The following KLRD1 variants were observed in gnomAD, a reference collection of about 807,000 sequenced individuals.
The protein encoded by KLRD1 is natural killer cells antigen CD94.
Under a neutral mutation model 22.6 loss-of-function variants are expected in KLRD1, and 21 were observed. That is an observed-to-expected ratio of 0.93 (90% CI 0.66 to 1.34). KLRD1 has a LOEUF of 1.34. Among genes scored for constraint, KLRD1 ranks in the 40% most tolerant of loss-of-function variants. The pLI is 0.00. For synonymous variants in KLRD1, 59 were observed against 71.1 expected (o/e 0.83, Z 0.85); for missense variants, 183 against 208.6 (o/e 0.88, Z 0.76).
intron 1 of KLRD1, among the ~76,000 whole-genome samples, chr12:10,290,702 ATTTATC>A (rs1005906866): frequency 2.6e-5 from 4 of 152,224 alleles, no homozygotes; most frequent in East Asian, 1.9e-4. Flanking sequence ...AAGTTTCAGT[ATTTATC>A]TTTAATAACC....
chr12:10,259,982 C>CA (rs199663048), intron 1 of KLRD1, among the ~76,000 whole-genome samples: 1,892 of 151,166 alleles, frequency 0.013, 30 homozygotes, highest in African/African-American at 0.042. Flanking sequence ...ACAAACAAAA[C>CA]AAAAAAAAGA....
chr12:10,313,473 G>C lies in KLRD1; in HGVS notation c.379G>C (p.Ala127Pro). Residue 127 changes from alanine to proline, a missense_variant, in exon 5 of 6, where the codon GCC becomes CCC. Ala to Pro is a conservative substitution (Grantham distance 27). Transcript: ENST00000336164. ...IGLSYSEEHT[A>P]WLWENGSALS... ...ACTCTCTTACAGTGAGGAGCACACC[G>C]CCTGGTTGTGGGAGAATGGCTCTGC... The C allele has an allele frequency of 6.2e-7, 1 of 1,607,534 alleles. No individual in the cohort carries two copies. The highest frequency in any genetic ancestry group is 1.3e-5 in the African/African-American group (1 of 74,672).
rs754765723 is a variant in KLRD1, at chr12:10,322,314, T to C, written c.*7521T>C. 2.0e-5 allele frequency: 3 copies of C among 152,316 alleles called. No individual in the cohort carries two copies. The highest frequency in any genetic ancestry group is 4.4e-5 in the Non-Finnish European group (3 of 68,096). The allele number at this position is 152,316 out of a possible 1,614,324, so 9.4% of individuals were successfully genotyped here. Reference sequence around the variant, plus strand: ...CACCTGCCTCGGCCTCCTGAAGTGCTGGGATTACAGGCATGAGCCATTGTG... The same window carrying C: ...CACCTGCCTCGGCCTCCTGAAGTGCCGGGATTACAGGCATGAGCCATTGTG... On this transcript the variant is annotated 3_prime_UTR_variant, in exon 6 of 6. Transcript: ENST00000336164.
chr12:10,289,781 AT>A (rs1949748282), intron 1 of KLRD1, among the ~76,000 whole-genome samples: 2 of 151,986 alleles, frequency 1.3e-5, no homozygotes, highest in South Asian at 2.1e-4. Context: ...TGAATTTGTA[AT>A]TTTTTTTGTG....
intron 1 of KLRD1, among the ~76,000 whole-genome samples, chr12:10,295,677 G>A (rs1949815181): frequency 6.6e-6 from 1 of 152,034 alleles, no homozygotes; most frequent in South Asian, 2.1e-4. Context: ...TAACATTCAA[G>A]AGTTCAGAAA....
At chr12:10,307,745 TC>T, upstream of KLRD1, 1 of 226,586 alleles carries the variant, frequency 4.4e-6, no homozygotes, top group Non-Finnish European at 8.5e-6. Context: ...GCAACAAAAC[TC>T]CCTCTGACCT....
intron 1 of KLRD1, among the ~76,000 whole-genome samples, chr12:10,275,773 T>G: frequency 6.6e-6 from 1 of 152,320 alleles, no homozygotes; most frequent in Non-Finnish European, 1.5e-5. Context: ...AATTACCAAT[T>G]AGATAAATCA....
chr12:10,314,883 C>T lies in KLRD1; in HGVS notation c.*90C>T. ...ATGTTATATTATTACTAATTGTCTA[C>T]TTCTGGAGTCTATAAAATGTTTTTA... On this transcript the variant is annotated 3_prime_UTR_variant, in exon 6 of 6. Transcript: ENST00000336164. 8.4e-7 allele frequency: 1 copy of T among 1,194,172 alleles called. No individual in the cohort carries two copies. The highest frequency in any genetic ancestry group is 1.5e-5 in the South Asian group (1 of 68,048). The allele number at this position is 1,194,172 out of a possible 1,614,324, so 74.0% of individuals were successfully genotyped here.
At chr12:10,240,313 T>G (rs7972414) in intron 1 of KLRD1, among the ~76,000 whole-genome samples, 95,022 of 151,786 alleles carry the variant, frequency 0.63, 30,525 homozygotes, top group Admixed American at 0.76. Flanking sequence ...TGCCCGCTTC[T>G]GCCTCCCAAA....
rs1326710082 is a variant in KLRD1 at position 10,325,752 on chromosome 12, T to C, written c.*10959T>C. 1 of 152,232 alleles carries C rather than the reference T, an allele frequency of 6.6e-6. No individual in the cohort carries two copies. The highest frequency in any genetic ancestry group is 1.9e-4 in the East Asian group (1 of 5,206). The allele number at this position is 152,232 out of a possible 1,614,324, so 9.4% of individuals were successfully genotyped here. A position where few individuals can be genotyped will look rare whatever the true frequency, so the allele number is the denominator to read the frequency against. On this transcript the variant is annotated 3_prime_UTR_variant, in exon 6 of 6. Coordinates refer to ENST00000336164, the MANE Select transcript of KLRD1 (RefSeq NM_002262.5). The stretch of plus-strand genomic sequence containing the variant: ...ATGTGTATGTACACATTGGCTACTG[T>C]GACTAGTATAGCAATGGACAGTAGT...
chr12:10,249,600 G>A (rs762953721), intron 1 of KLRD1, among the ~76,000 whole-genome samples: 8 of 151,918 alleles, frequency 5.3e-5, no homozygotes, highest in South Asian at 2.1e-4. Context: ...TTAAATATAC[G>A]GTTTGCAACC....
At chr12:10,262,145 T>C (rs1949459684) in intron 1 of KLRD1, among the ~76,000 whole-genome samples, 1 of 152,104 alleles carries the variant, frequency 6.6e-6, no homozygotes, top group African/African-American at 2.4e-5. Flanking sequence ...CACAATATGT[T>C]AAAAATTCTC....
chr12:10,239,585 TTTTC>T lies in KLRD1; in HGVS notation c.-101+13366_-101+13369del, dbSNP rs1236436478. On this transcript the variant is annotated intron_variant, in intron 1 of 5. Coordinates refer to the KLRD1 transcript ENST00000544747. Reference sequence around the variant, plus strand: ...TTTCTTTCTTTCTTTCTTTCTTTCTTTTTCTTTCTTTCTTTCTCTCTCTTTCTTT... The same window carrying T: ...TTTCTTTCTTTCTTTCTTTCTTTCTTTTTCTTTCTTTCTCTCTCTTTCTTT... Among the ~76,000 whole-genome samples the T allele has an allele frequency of 4.0e-3, 510 of 126,860 alleles. 8 individuals are homozygous for T. The highest frequency in any genetic ancestry group is 0.015 in the African/African-American group (486 of 32,018). 83.2% of individuals were successfully genotyped at this position (126,860 alleles called of 152,430 possible). A position where few individuals can be genotyped will look rare whatever the true frequency, so the allele number is the denominator to read the frequency against.
chr12:10,239,545 T>TTC (rs1949220486), intron 1 of KLRD1, among the ~76,000 whole-genome samples: 1 of 122,162 alleles, frequency 8.2e-6, no homozygotes, highest in African/African-American at 4.7e-5. Context: ...CTTTCTTTCT[T>TTC]TCTTTCTTTC....
At chr12:10,250,671 G>A (rs990584359) in intron 1 of KLRD1, among the ~76,000 whole-genome samples, 1 of 151,874 alleles carries the variant, frequency 6.6e-6, no homozygotes, top group African/African-American at 2.4e-5. Context: ...GATAAAACTT[G>A]GGTATTAATT....
chr12:10,295,464 T>C (rs1334067545), intron 1 of KLRD1, among the ~76,000 whole-genome samples: 6 of 151,740 alleles, frequency 4.0e-5, no homozygotes, highest in African/African-American at 1.2e-4. Context: ...AGTTAGAGAG[T>C]AGAGAGAAGT....
upstream of KLRD1, among the ~76,000 whole-genome samples, chr12:10,303,061 A>G (rs1017267746): frequency 6.6e-6 from 1 of 152,230 alleles, no homozygotes; most frequent in Non-Finnish European, 1.5e-5. Context: ...GCCTACACCC[A>G]GTAATGATCA....
At chr12:10,293,140 AC>A (rs1347063106) in intron 1 of KLRD1, among the ~76,000 whole-genome samples, 1 of 136,940 alleles carries the variant, frequency 7.3e-6, no homozygotes, top group African/African-American at 2.6e-5. Flanking sequence ...TTTGATACAG[AC>A]CAGTAAAACT....
chr12:10,239,450 C>CT (rs879901659), intron 1 of KLRD1, among the ~76,000 whole-genome samples: 3,480 of 37,604 alleles, frequency 0.093, 341 homozygotes, highest in South Asian at 0.4. Context: ...TCCTTCCTTC[C>CT]TTCCTTCCTT....
Sources: allele counts gnomAD v4.1 joint callset (sites outside exome capture counted in the v4.1 genomes callset), GRCh38; gene constraint gnomAD v4.1.1; transcripts MANE v1.5; gene names NCBI Gene and HGNC (gene_info 2026-07-23, HGNC 2026-07-21).